The following OR51V1 variants were observed in gnomAD, a reference collection of about 807,000 sequenced individuals.
The protein encoded by OR51V1 is olfactory receptor 51V1.
In OR51V1, 16 loss-of-function variants were observed where a neutral mutation model predicts 16.3. The observed-to-expected ratio is 0.98, with a 90% CI of 0.67 to 1.49. The LOEUF is 1.49. OR51V1 is among the 40% of genes most tolerant of loss of function. The pLI is 0.00. For synonymous variants in OR51V1, 189 were observed against 142.2 expected (o/e 1.33, Z -2.34); for missense variants, 469 against 380.4 (o/e 1.23, Z -1.94).
Position 5,200,251 on chromosome 11 carries a change from A to G in OR51V1, c.432T>C (p.Ile144=), listed in dbSNP as rs755133531. The G allele has an allele frequency of 3.7e-6, 6 of 1,613,882 alleles. No individual in the cohort carries two copies. Among genetic ancestry groups the G allele is most frequent in the Non-Finnish European group, 5.1e-6 (6 of 1,179,816 alleles). ...RYSSILTNSR[I]IKIGLTIIGR... is the part of the protein sequence containing the mutation. ...CTATTATAGTGAGCCCAATTTTGAT[A>G]ATTCTGGAATTAGTCAGGATGGAGG... Residue 144 remains isoleucine (I), a synonymous_variant, in exon 1 of 1, where the codon ATT becomes ATC. Transcript: ENST00000641270.
rs774588813 is a variant in OR51V1 at position 5,199,886 on chromosome 11, C to G, written c.797G>C (p.Arg266Pro). Residue 266 changes from arginine to proline, a missense_variant, in exon 1 of 1, where the codon CGT (arginine) becomes CCT (proline). Transcript: ENST00000641270. ...IPIISLTMVHRFGKHLSPVAH... is the reference protein window; with the variant it reads ...IPIISLTMVHPFGKHLSPVAH... ...CACGGGGGAAAGGTGCTTGCCAAAA[C>G]GGTGCACCATTGTGAGGCTAATGAT... The G allele has an allele frequency of 6.2e-7, 1 of 1,614,034 alleles. No individual in the cohort carries two copies. The highest frequency in any genetic ancestry group is 8.5e-7 in the Non-Finnish European group (1 of 1,179,986).
chr11:5,200,374 C>A lies in OR51V1; in HGVS notation c.309G>T (p.Gln103His), dbSNP rs1695867761. 1.9e-6 allele frequency: 3 copies of A among 1,613,914 alleles called. No individual in the cohort carries two copies. The African/African-American group carries it at 4.0e-5, about 22-fold the overall frequency. ...REISLDSCIA[Q>H]SYFIHGLSFM... ...AGGACAGACCATGGATGAAATAGGA[C>A]TGGGCAATGCAGGAATCCAAGCTGA... Residue 103 changes from glutamine (Q) to histidine (H), a missense_variant, in exon 1 of 1, where the codon CAG becomes CAT. Physicochemically the swap from Gln to His is conservative, Grantham distance 24. Transcript: ENST00000641270.
At position 5,200,559 on chromosome 11, in the gene OR51V1, G is replaced by A. The variant is rs1847200642; in HGVS notation, c.124C>T (p.Leu42Phe). The change falls in exon 1 of 1, where the codon CTT (leucine) becomes TTT (phenylalanine). Residue 42 changes from leucine to phenylalanine, a missense_variant. Transcript: ENST00000641270. ...TGGAGAACCATGCAATTGCCCAAAA[G>A]CACCATGGCATAGATTGAGGAGAAG... ...IPFSSIYAMV[L>F]LGNCMVLHVI... 1 of 1,613,810 alleles carries A rather than the reference G, an allele frequency of 6.2e-7. No individual in the cohort carries two copies. Among genetic ancestry groups the A allele is most frequent in the Non-Finnish European group, 8.5e-7 (1 of 1,179,768 alleles).
rs146407987 is a variant in OR51V1, at chr11:5,199,895, A to G, written c.788T>C (p.Met263Thr). 70 of 1,614,010 alleles carry G rather than the reference A, an allele frequency of 4.3e-5. No individual in the cohort carries two copies. Among genetic ancestry groups the G allele is most frequent in the Non-Finnish European group, 5.0e-5 (59 of 1,180,010 alleles). ...VFYIPIISLTMVHRFGKHLSP... is the reference protein window; with the variant it reads ...VFYIPIISLTTVHRFGKHLSP... Reference sequence around the variant, plus strand: ...AAGGTGCTTGCCAAAACGGTGCACCATTGTGAGGCTAATGATAGGGATGTA... The same window carrying G: ...AAGGTGCTTGCCAAAACGGTGCACCGTTGTGAGGCTAATGATAGGGATGTA... Residue 263 changes from methionine to threonine, a missense_variant, in exon 1 of 1, where the codon ATG becomes ACG. Met to Thr is a moderately conservative substitution (Grantham distance 81, BLOSUM62 -1). Transcript: ENST00000641270.
In OR51V1 at chr11:5,199,803, T is replaced by C. The variant is rs760108749; in HGVS notation, c.880A>G (p.Ile294Val). 1 of 1,613,802 alleles carries C rather than the reference T, an allele frequency of 6.2e-7. No homozygotes were observed. Among genetic ancestry groups the C allele is most frequent in the Admixed American group, 1.7e-5 (1 of 60,018 alleles). The part of the protein sequence containing the change: ...ILFPPLMNPI[I>V]YSVKTQQIHT... ...ATCTGTTGGGTCTTGACACTGTAGATGATGGGATTCATTAAAGGTGGGAAA... is the reference window on the plus strand; with the variant it reads ...ATCTGTTGGGTCTTGACACTGTAGACGATGGGATTCATTAAAGGTGGGAAA... Residue 294 changes from isoleucine to valine, a missense_variant, in exon 1 of 1, where the codon ATC becomes GTC. By Grantham distance (29) the Ile-to-Val change is conservative. Transcript: ENST00000641270.
rs1847195314 is a variant in OR51V1, at chr11:5,200,297, A to G, written c.386T>C (p.Ile129Thr). 6.2e-7 allele frequency: 1 copy of G among 1,613,342 alleles called. No homozygotes were observed. Among genetic ancestry groups the G allele is most frequent in the South Asian group, 1.1e-5 (1 of 91,064 alleles). Reference protein sequence around the residue: ...LTMAFDRYIAICNPLRYSSIL... With the variant: ...LTMAFDRYIATCNPLRYSSIL... ...GGAGGAATAACGTAGTGGATTGCAAATTGCAATGTACCGGTCAAAGGCCAT... is the reference window on the plus strand; with the variant it reads ...GGAGGAATAACGTAGTGGATTGCAAGTTGCAATGTACCGGTCAAAGGCCAT... The change falls in exon 1 of 1, where the codon ATT (isoleucine) becomes ACT (threonine). Residue 129 changes from isoleucine to threonine, a missense_variant. Physicochemically the swap from Ile to Thr is moderately conservative, Grantham distance 89. Coordinates refer to ENST00000641270, the MANE Select transcript of OR51V1 (RefSeq NM_001004760.3).
Position 5,200,447 on chromosome 11 carries a change from G to C in OR51V1, c.236C>G (p.Ser79Cys), listed in dbSNP as rs1013246031. ...GATCCCCAGCACTGTGTACACAGTG[G>C]ACAGCCCCATGCACAGGTCAGTGAG... ...LALTDLCMGL[S>C]TVYTVLGILW... The change falls in exon 1 of 1, where the codon TCC (serine) becomes TGC (cysteine). Residue 79 changes from serine to cysteine, a missense_variant. By Grantham distance (112) the Ser-to-Cys change is moderately radical (BLOSUM62 -1). Transcript: ENST00000641270. 1 of 1,613,840 alleles carries C rather than the reference G, an allele frequency of 6.2e-7. No homozygotes were observed. Among genetic ancestry groups the C allele is most frequent in the Non-Finnish European group, 8.5e-7 (1 of 1,179,922 alleles).
chr11:5,200,602 G>A lies in OR51V1; in HGVS notation c.81C>T (p.Tyr27=), dbSNP rs1847201428. 6 of 1,613,198 alleles carry A rather than the reference G, an allele frequency of 3.7e-6. No homozygotes were observed. In the Admixed American group the frequency reaches 6.7e-5, roughly 18 times the overall value. ...LTGFSGMEQQ[Y]PWLSIPFSSI... ...AGGAGAAGGGGATGGAAAGCCAGGG[G>A]TATTGCTGCTCCATGCCAGAAAATC... is the stretch of plus-strand genomic sequence containing the variant. The change falls in exon 1 of 1, where the codon TAC becomes TAT. Residue 27 remains tyrosine, a synonymous_variant. Transcript: ENST00000641270.
At position 5,199,916 on chromosome 11, in the gene OR51V1, A is replaced by T; in HGVS notation, c.767T>A (p.Ile256Asn). The change falls in exon 1 of 1, where the codon ATC becomes AAC. Residue 256 changes from isoleucine (I) to asparagine (N), a missense_variant. Coordinates refer to ENST00000641270, the MANE Select transcript of OR51V1 (RefSeq NM_001004760.3). ...SHICAVLVFY[I>N]PIISLTMVHR... is the part of the protein sequence containing the mutation. ...CACCATTGTGAGGCTAATGATAGGG[A>T]TGTAGAACACAAGGACAGCACAGAT... 1 of 1,614,070 alleles carries T rather than the reference A, an allele frequency of 6.2e-7. No homozygotes were observed. The highest frequency in any genetic ancestry group is 1.6e-4 in the Middle Eastern group (1 of 6,062).
At position 5,200,010 on chromosome 11, in the gene OR51V1, G is replaced by A. The variant is rs1847189433; in HGVS notation, c.673C>T (p.Leu225Phe). 1.2e-6 allele frequency: 2 copies of A among 1,613,920 alleles called. No individual in the cohort carries two copies. Among genetic ancestry groups the A allele is most frequent in the South Asian group, 1.1e-5 (1 of 91,078 alleles). The change falls in exon 1 of 1, where the codon CTT becomes TTT. Residue 225 changes from leucine to phenylalanine, a missense_variant. Physicochemically the swap from Leu to Phe is conservative, Grantham distance 22. Transcript: ENST00000641270. ...GAGGCAACTGCCAGGACTGACTTAAGAATCAGGATGTAGGAGAAAAGGATG... is the reference window on the plus strand; with the variant it reads ...GAGGCAACTGCCAGGACTGACTTAAAAATCAGGATGTAGGAGAAAAGGATG... The part of the protein sequence containing the change: ...ILILFSYILI[L>F]KSVLAVASQE...
Position 5,199,835 on chromosome 11 carries a change from T to C in OR51V1, c.848A>G (p.Tyr283Cys), listed in dbSNP as rs1346254822. ...ATTCATTAAAGGTGGGAAAAGGATG[T>C]AGATGTTGCCAATGAGAACGTGGGC... ...PVAHVLIGNI[Y>C]ILFPPLMNPI... Residue 283 changes from tyrosine to cysteine, a missense_variant, in exon 1 of 1, where the codon TAC becomes TGC. Physicochemically the swap from Tyr to Cys is radical, Grantham distance 194. Transcript: ENST00000641270. 6.8e-6 allele frequency: 11 copies of C among 1,614,094 alleles called. No homozygotes were observed. Among genetic ancestry groups the C allele is most frequent in the Non-Finnish European group, 8.5e-6 (10 of 1,179,984 alleles).
In OR51V1 at chr11:5,200,088, T is replaced by G; in HGVS notation, c.595A>C (p.Ser199Arg). 1.2e-6 allele frequency: 2 copies of G among 1,613,594 alleles called. No individual in the cohort carries two copies. Among genetic ancestry groups the G allele is most frequent in the Non-Finnish European group, 1.7e-6 (2 of 1,179,558 alleles). Residue 199 changes from serine to arginine, a missense_variant, in exon 1 of 1, where the codon AGT becomes CGT. By Grantham distance (110) the Ser-to-Arg change is moderately radical. Coordinates refer to ENST00000641270, the MANE Select transcript of OR51V1 (RefSeq NM_001004760.3). ...ATAACCAGCATCAGGGCATAGTAAC[T>G]ATTGAATCGGATGTCTGAACAGGCT... The part of the protein sequence containing the change: ...RLACSDIRFN[S>R]YYALMLVICI...
In OR51V1 at chr11:5,199,905, T is replaced by C; in HGVS notation, c.778A>G (p.Ser260Gly). 1 of 1,614,068 alleles carries C rather than the reference T, an allele frequency of 6.2e-7. No individual in the cohort carries two copies. The highest frequency in any genetic ancestry group is 8.5e-7 in the Non-Finnish European group (1 of 1,179,956). Residue 260 changes from serine (S) to glycine (G), a missense_variant, in exon 1 of 1, where the codon AGC becomes GGC. By Grantham distance (56) the Ser-to-Gly change is moderately conservative. Coordinates refer to ENST00000641270, the MANE Select transcript of OR51V1 (RefSeq NM_001004760.3). ...CCAAAACGGTGCACCATTGTGAGGC[T>C]AATGATAGGGATGTAGAACACAAGG... ...AVLVFYIPII[S>G]LTMVHRFGKH... is the part of the protein sequence containing the mutation.
In OR51V1 at chr11:5,200,293, G is replaced by A. The variant is rs1411040822; in HGVS notation, c.390C>T (p.Cys130=). The change falls in exon 1 of 1, where the codon TGC becomes TGT. Residue 130 remains cysteine, a synonymous_variant. Transcript: ENST00000641270. ...TMAFDRYIAI[C]NPLRYSSILT... is the part of the protein sequence containing the mutation. The stretch of plus-strand genomic sequence containing the variant: ...GGATGGAGGAATAACGTAGTGGATT[G>A]CAAATTGCAATGTACCGGTCAAAGG... 3.7e-6 allele frequency: 6 copies of A among 1,613,620 alleles called. No homozygotes were observed. The highest frequency in any genetic ancestry group is 1.6e-4 in the Middle Eastern group (1 of 6,062).
rs1347251039 is a variant in OR51V1, at chr11:5,199,875, G to C, written c.808C>G (p.His270Asp). ...AGAACGTGGGCCACGGGGGAAAGGT[G>C]CTTGCCAAAACGGTGCACCATTGTG... ...SLTMVHRFGK[H>D]LSPVAHVLIG... Residue 270 changes from histidine (H) to aspartate (D), a missense_variant, in exon 1 of 1, where the codon CAC becomes GAC. His to Asp is a moderately conservative substitution (Grantham distance 81). Coordinates refer to ENST00000641270, the MANE Select transcript of OR51V1 (RefSeq NM_001004760.3). 3.7e-6 allele frequency: 6 copies of C among 1,614,074 alleles called. No homozygotes were observed. The Admixed American group carries it at 1.0e-4, about 27-fold the overall frequency.
rs1847197065 is a variant in OR51V1 at position 5,200,383 on chromosome 11, G to A, written c.300C>T (p.Cys100=). 1.9e-6 allele frequency: 3 copies of A among 1,613,812 alleles called. No homozygotes were observed. The highest frequency in any genetic ancestry group is 1.7e-5 in the Admixed American group (1 of 59,998). ...GIIREISLDS[C]IAQSYFIHGL... Reference sequence around the variant, plus strand: ...CATGGATGAAATAGGACTGGGCAATGCAGGAATCCAAGCTGATCTCTCGAA... The same window carrying A: ...CATGGATGAAATAGGACTGGGCAATACAGGAATCCAAGCTGATCTCTCGAA... The change falls in exon 1 of 1, where the codon TGC becomes TGT. Residue 100 remains cysteine (C), a synonymous_variant. Coordinates refer to ENST00000641270, the MANE Select transcript of OR51V1 (RefSeq NM_001004760.3).
At position 5,200,521 on chromosome 11, in the gene OR51V1, A is replaced by C; in HGVS notation, c.162T>G (p.Thr54=). ...GNCMVLHVIW[T]EPSLHQPMFY... ...ACATAGGCTGGTGCAGGCTTGGCTC[A>C]GTCCATATCACATGGAGAACCATGC... is the stretch of plus-strand genomic sequence containing the variant. Residue 54 remains threonine, a synonymous_variant, in exon 1 of 1, where the codon ACT becomes ACG. Coordinates refer to ENST00000641270, the MANE Select transcript of OR51V1 (RefSeq NM_001004760.3). 2 of 1,614,020 alleles carry C rather than the reference A, an allele frequency of 1.2e-6. No homozygotes were observed. The highest frequency in any genetic ancestry group is 1.3e-5 in the African/African-American group (1 of 75,028).
In OR51V1 at chr11:5,200,140, G is replaced by C; in HGVS notation, c.543C>G (p.Phe181Leu). The change falls in exon 1 of 1, where the codon TTC becomes TTG. Residue 181 changes from phenylalanine to leucine, a missense_variant. Phe to Leu is a conservative substitution (Grantham distance 22, BLOSUM62 0). Coordinates refer to ENST00000641270, the MANE Select transcript of OR51V1 (RefSeq NM_001004760.3). ...YCHFHILSHS[F>L]CLHQDLLRLA... ...AGCGGAGAAGATCCTGGTGCAGGCA[G>C]AAAGAGTGAGAAAGGATGTGGAAAT... The C allele has an allele frequency of 6.2e-7, 1 of 1,612,426 alleles. No homozygotes were observed.
At position 5,200,516 on chromosome 11, in the gene OR51V1, G is replaced by T; in HGVS notation, c.167C>A (p.Pro56Gln). The T allele has an allele frequency of 6.2e-7, 1 of 1,613,954 alleles. No individual in the cohort carries two copies. The highest frequency in any genetic ancestry group is 1.1e-5 in the South Asian group (1 of 91,076). Residue 56 changes from proline (P) to glutamine (Q), a missense_variant, in exon 1 of 1, where the codon CCA (proline) becomes CAA (glutamine). Physicochemically the swap from Pro to Gln is moderately conservative, Grantham distance 76 (BLOSUM62 -1). Transcript: ENST00000641270. ...GTAAAACATAGGCTGGTGCAGGCTT[G>T]GCTCAGTCCATATCACATGGAGAAC... ...CMVLHVIWTE[P>Q]SLHQPMFYFL...
Sources: allele counts gnomAD v4.1 joint callset, GRCh38; gene constraint gnomAD v4.1.1; transcripts MANE v1.5; gene names NCBI Gene and HGNC (gene_info 2026-07-23, HGNC 2026-07-21).